Variants in TRIM23 observed in about 807,000 individuals in gnomAD.
The protein encoded by TRIM23 is E3 ubiquitin-protein ligase TRIM23.
In TRIM23, 27 loss-of-function variants were observed where a neutral mutation model predicts 71.0. That is an observed-to-expected ratio of 0.38 (90% confidence interval 0.28 to 0.52). The LOEUF is 0.52. TRIM23 is among the 20% of genes least tolerant of loss of function. The pLI, the probability that TRIM23 is intolerant of heterozygous loss-of-function variation, is 0.84. For missense variants in TRIM23, 482 were observed against 692.3 expected, an observed-to-expected ratio of 0.70 and a Z score of 3.41; for synonymous variants, 234 against 238.0, an observed-to-expected ratio of 0.98 and a Z score of 0.16.
At chr5:65,605,632 A>G (rs1327623846) in intron 6 of TRIM23, among the ~76,000 whole-genome samples, 1 of 152,202 alleles carries the variant, frequency 6.6e-6, no homozygotes, top group South Asian at 2.1e-4. Flanking sequence ...ATATACATGT[A>G]TTCGTTAAAA....
In TRIM23 at chr5:65,618,242, C is replaced by G. The variant is rs1188098046; in HGVS notation, c.95G>C (p.Gly32Ala). The G allele has an allele frequency of 1.2e-6, 2 of 1,613,672 alleles. No individual in the cohort carries two copies. The highest frequency in any genetic ancestry group is 2.7e-5 in the African/African-American group (2 of 74,882). The stretch of plus-strand genomic sequence containing the variant: ...CAAAGAAAAGACATCTTCACAAACT[C>G]CACACTCTAGCACCTAATATTTGAA... Reference protein sequence around the residue: ...GTAVVKVLECGVCEDVFSLQG... With the variant: ...GTAVVKVLECAVCEDVFSLQG... Residue 32 changes from glycine (G) to alanine (A), a missense_variant, in exon 2 of 11, where the codon GGA (glycine) becomes GCA (alanine). This residue lies in a region of TRIM23 where 175 missense variants were observed against 196.5 expected (regional missense o/e 0.89). Transcript: ENST00000231524.
At chr5:65,619,385 C>T (rs1754861049) in intron 1 of TRIM23, among the ~76,000 whole-genome samples, 1 of 152,228 alleles carries the variant, frequency 6.6e-6, no homozygotes, top group African/African-American at 2.4e-5. Context: ...AAAGAACCCT[C>T]AGGAACTGGG....
intron 10 of TRIM23, among the ~76,000 whole-genome samples, chr5:65,592,739 T>C (rs546510974): frequency 2.6e-5 from 4 of 152,248 alleles, no homozygotes; most frequent in African/African-American, 4.8e-5. Context: ...AACAGGAACA[T>C]AGTTTAGACT....
chr5:65,613,601 G>T, intron 3 of TRIM23: 3 of 687,574 alleles, frequency 4.4e-6, no homozygotes, highest in Non-Finnish European at 5.6e-6. Context: ...ACATCTACCT[G>T]TATGGATAAA....
chr5:65,617,525 C>T (rs1367614051), intron 2 of TRIM23, among the ~76,000 whole-genome samples: 1 of 152,096 alleles, frequency 6.6e-6, no homozygotes, highest in African/African-American at 2.4e-5. Context: ...ATTTCCAAAT[C>T]TGGTATCTGA....
At chr5:65,607,436 A>T (rs921376642) in intron 6 of TRIM23, among the ~76,000 whole-genome samples, 4 of 152,096 alleles carry the variant, frequency 2.6e-5, no homozygotes, top group Non-Finnish European at 5.9e-5. Context: ...TAATCATGAC[A>T]TCTGATGGTT....
At chr5:65,609,673 T>G (rs77284639) in intron 5 of TRIM23, among the ~76,000 whole-genome samples, 1 of 152,138 alleles carries the variant, frequency 6.6e-6, no homozygotes, top group Non-Finnish European at 1.5e-5. Context: ...AAGGCTGCAG[T>G]GAGTGGTGAT....
chr5:65,620,302 T>C (rs1754896389), intron 1 of TRIM23, among the ~76,000 whole-genome samples: 1 of 152,160 alleles, frequency 6.6e-6, no homozygotes, highest in Non-Finnish European at 1.5e-5. Flanking sequence ...TAATTCTAGT[T>C]GCAGGAATTT....
At chr5:65,622,351 G>A (rs990646544) in intron 1 of TRIM23, among the ~76,000 whole-genome samples, 2 of 152,070 alleles carry the variant, frequency 1.3e-5, no homozygotes, top group African/African-American at 2.4e-5. Flanking sequence ...ATTATTAGTA[G>A]AGACGGGGTT....
In TRIM23 at chr5:65,591,464, CCT is replaced by C; in HGVS notation, c.*303_*304del. 6.3e-7 allele frequency: 1 copy of C among 1,592,564 alleles called. No individual in the cohort carries two copies. The highest frequency in any genetic ancestry group is 1.2e-5 in the South Asian group (1 of 86,530). On this transcript the variant is annotated 3_prime_UTR_variant, in exon 11 of 11. Coordinates refer to ENST00000231524, the MANE Select transcript of TRIM23 (RefSeq NM_001656.4). ...TTCACTTACCCTTTCTCTGTGACTA[CCT>C]CTTTCCCAGTATATTGGTCACATAT...
chr5:65,607,364 A>G (rs892028918), intron 6 of TRIM23, among the ~76,000 whole-genome samples: 1 of 152,096 alleles, frequency 6.6e-6, no homozygotes, highest in Non-Finnish European at 1.5e-5. Context: ...CCCACATGTC[A>G]AGGGAGGGAC....
At position 65,614,261 on chromosome 5, in the gene TRIM23, G is replaced by A. The variant is rs1401556832; in HGVS notation, c.245-42C>T. ...AACAAAAACTAAATCTAACAAAATG[G>A]ACTATTAATCATTTTACCCATACCT... is the stretch of plus-strand genomic sequence containing the variant. On this transcript the variant is annotated intron_variant, in intron 2 of 10. Transcript: ENST00000231524. 1.9e-6 allele frequency: 3 copies of A among 1,565,980 alleles called. No homozygotes were observed. The South Asian group carries it at 3.3e-5, about 17-fold the overall frequency.
chr5:65,593,905 A>C (rs1754116933), intron 10 of TRIM23, among the ~76,000 whole-genome samples: 1 of 152,172 alleles, frequency 6.6e-6, no homozygotes, highest in African/African-American at 2.4e-5. Context: ...GAATTATAGT[A>C]TTGAAACACT....
chr5:65,609,423 A>G lies in TRIM23; in HGVS notation c.864T>C (p.Ile288=), dbSNP rs370310812. The change falls in exon 6 of 11, where the codon ATT becomes ATC. Residue 288 remains isoleucine, a synonymous_variant. Transcript: ENST00000231524. ...PGTAENARSC[I]RAYFYDLHET... Reference sequence around the variant, plus strand: ...CATGTAGATCATAAAAATAAGCTCGAATACATGACCGGGCATTCTCTGCAG... The same window carrying G: ...CATGTAGATCATAAAAATAAGCTCGGATACATGACCGGGCATTCTCTGCAG... 4 of 1,614,160 alleles carry G rather than the reference A, an allele frequency of 2.5e-6. No individual in the cohort carries two copies.
chr5:65,618,193 A>C lies in TRIM23; in HGVS notation c.144T>G (p.Leu48=). ...GACAGACGGTATGGCCACAAAGCAA[A>C]AGACGGGGAACTTTGTCTCCTTGCA... is the stretch of plus-strand genomic sequence containing the variant. ...FSLQGDKVPR[L]LLCGHTVCHD... The change falls in exon 2 of 11, where the codon CTT becomes CTG. Residue 48 remains leucine (L), a synonymous_variant. Coordinates refer to ENST00000231524, the MANE Select transcript of TRIM23 (RefSeq NM_001656.4). 1 of 1,614,150 alleles carries C rather than the reference A, an allele frequency of 6.2e-7. No individual in the cohort carries two copies. The highest frequency in any genetic ancestry group is 8.5e-7 in the Non-Finnish European group (1 of 1,179,988).
At position 65,591,921 on chromosome 5, in the gene TRIM23, C is replaced by T. The variant is rs2150618098; in HGVS notation, c.1573G>A (p.Glu525Lys). 1 of 1,613,668 alleles carries T rather than the reference C, an allele frequency of 6.2e-7. No homozygotes were observed. Residue 525 changes from glutamate (E) to lysine (K), a missense_variant, in exon 11 of 11, where the codon GAA (glutamate) becomes AAA (lysine). Physicochemically the swap from Glu to Lys is moderately conservative, Grantham distance 56 (BLOSUM62 1). Around this residue, in one of 2 missense-constraint regions of TRIM23, gnomAD observed 307 missense variants for 495.8 expected, o/e 0.62. Transcript: ENST00000231524. Reference sequence around the variant, plus strand: ...TGGAGACTGAGTAGTTCAGTGATTTCTTCTACTGACAGTGCTCCAGCAACA... The same window carrying T: ...TGGAGACTGAGTAGTTCAGTGATTTTTTCTACTGACAGTGCTCCAGCAACA... Reference protein sequence around the residue: ...QDVAGALSVEEITELLSLHKL... With the variant: ...QDVAGALSVEKITELLSLHKL...
In TRIM23 at chr5:65,617,122, T is replaced by C. The variant is rs542809603; in HGVS notation, c.244+971A>G. 3.9e-5 allele frequency among the ~76,000 whole-genome samples: 6 copies of C among 152,358 alleles called. No homozygotes were observed. In the South Asian group the frequency reaches 1.2e-3, roughly 32 times the overall value. On this transcript the variant is annotated intron_variant, in intron 2 of 10. Transcript: ENST00000231524. ...GACTTTCCCAATCCCTATTATTTCT[T>C]GGCTACTGGTAAGTTAATGCTATCT... is the stretch of plus-strand genomic sequence containing the variant.
intron 3 of TRIM23, 197 bp downstream of exon 3, chr5:65,613,901 T>C (rs1195743423): frequency 2.0e-6 from 3 of 1,489,830 alleles, no homozygotes; most frequent in Admixed American, 2.2e-5. Flanking sequence ...AAGCATAGTT[T>C]AGGCATAGGA....
intron 7 of TRIM23, among the ~76,000 whole-genome samples, chr5:65,603,154 G>A (rs1202624647): frequency 6.6e-6 from 1 of 152,146 alleles, no homozygotes; most frequent in South Asian, 2.1e-4. Context: ...ACCGATGAGA[G>A]GGGGCAGAGG....
Sources: allele counts gnomAD v4.1 joint callset (sites outside exome capture counted in the v4.1 genomes callset), GRCh38; gene constraint gnomAD v4.1.1; regional missense constraint gnomAD v4.1.1; transcripts MANE v1.5; gene names NCBI Gene and HGNC (gene_info 2026-07-23, HGNC 2026-07-21).